The following HACE1 variants were observed in gnomAD, a reference collection of about 807,000 sequenced individuals.
HACE1 encodes HECT domain and ankyrin repeat containing E3 ubiquitin protein ligase 1, also known as E3 ubiquitin-protein ligase HACE1.
A neutral mutation model predicts 118.4 loss-of-function variants in HACE1; 73 were observed. The ratio of observed to expected loss-of-function variants is 0.62; its 90% CI spans 0.51 to 0.75. The LOEUF (loss-of-function observed/expected upper bound fraction) is 0.75, where lower values mean the gene tolerates loss of function less well. HACE1 is among the 30% of genes least tolerant of loss of function. HACE1 has a pLI of 0.00. For missense variants in HACE1, 749 were observed against 1,102.2 expected, an observed-to-expected ratio of 0.68 and a Z score of 4.54; for synonymous variants, 368 against 374.8, an observed-to-expected ratio of 0.98 and a Z score of 0.21.
At position 104,761,828 on chromosome 6, in the gene HACE1, C is replaced by A. The variant is rs540946537; in HGVS notation, c.2211+9365G>T. On this transcript the variant is annotated intron_variant, in intron 19 of 23. Coordinates refer to ENST00000262903, the MANE Select transcript of HACE1 (RefSeq NM_020771.4). Reference sequence around the variant, plus strand: ...ACAAAGGGTTAATATCCAGAATCTACAAAGAACTTAAACAAATTTACAAGA... The same window carrying A: ...ACAAAGGGTTAATATCCAGAATCTAAAAAGAACTTAAACAAATTTACAAGA... Among the ~76,000 whole-genome samples the A allele has an allele frequency of 1.1e-4, 16 of 151,346 alleles. No homozygotes were observed. The East Asian group carries it at 3.1e-3, about 29-fold the overall frequency.
chr6:104,805,404 C>T (rs1475073039), intron 7 of HACE1, among the ~76,000 whole-genome samples: 3 of 152,152 alleles, frequency 2.0e-5, no homozygotes, highest in Non-Finnish European at 4.4e-5. Context: ...CACATGGATA[C>T]ATATGTTTAT....
rs1038029247 is a variant in HACE1 at position 104,734,032 on chromosome 6, A to C, written c.2514-3616T>G. ...CTGGGCATGGTGGTAAGCGCCTGTAATCCCAGCGACTCGGGAGGGCTTAGG... is the reference window on the plus strand; with the variant it reads ...CTGGGCATGGTGGTAAGCGCCTGTACTCCCAGCGACTCGGGAGGGCTTAGG... On this transcript the variant is annotated intron_variant, in intron 22 of 23. Transcript: ENST00000262903. Among the ~76,000 whole-genome samples the C allele has an allele frequency of 2.0e-5, 3 of 150,984 alleles. No individual in the cohort carries two copies. In the East Asian group the frequency reaches 5.8e-4, roughly 29 times the overall value.
intron 20 of HACE1, 97 bp from the exon 21 acceptor site, chr6:104,744,707 T>C (rs1777213704): frequency 2.8e-6 from 2 of 720,264 alleles, no homozygotes; most frequent in African/African-American, 1.8e-5. Flanking sequence ...ACTAATCCCA[T>C]GTAAAACTGA....
chr6:104,737,476 G>T (rs570075144), intron 22 of HACE1, among the ~76,000 whole-genome samples: 60 of 152,170 alleles, frequency 3.9e-4, no homozygotes, highest in African/African-American at 1.4e-3. Flanking sequence ...TGTGCGCACC[G>T]TGCGCGAGCC....
Position 104,843,255 on chromosome 6 carries a change from C to G in HACE1, c.370G>C (p.Val124Leu). 6.5e-7 allele frequency: 1 copy of G among 1,547,234 alleles called. No individual in the cohort carries two copies. The highest frequency in any genetic ancestry group is 8.9e-7 in the Non-Finnish European group (1 of 1,119,272). Residue 124 changes from valine to leucine, a missense_variant, in exon 5 of 24, where the codon GTC becomes CTC. By Grantham distance (32) the Val-to-Leu change is conservative (BLOSUM62 1). Coordinates refer to ENST00000262903, the MANE Select transcript of HACE1 (RefSeq NM_020771.4). Reference sequence around the variant, plus strand: ...AGGCCTTCATTATTACAAATGTTGACATCAGCGCTATATTCTAATAATTTA... The same window carrying G: ...AGGCCTTCATTATTACAAATGTTGAGATCAGCGCTATATTCTAATAATTTA... ...MSKLLEYSAD[V>L]NICNNEGLTA...
chr6:104,851,691 A>G (rs1776219572), intron 2 of HACE1, among the ~76,000 whole-genome samples: 1 of 151,856 alleles, frequency 6.6e-6, no homozygotes, highest in Non-Finnish European at 1.5e-5. Context: ...AAATCAGACA[A>G]AAAACATTTT....
At chr6:104,798,198 G>T (rs1043054669) in intron 7 of HACE1, among the ~76,000 whole-genome samples, 2 of 152,018 alleles carry the variant, frequency 1.3e-5, no homozygotes, top group African/African-American at 2.4e-5. Flanking sequence ...CTAAGCACAG[G>T]TGAAACTAGA....
chr6:104,851,882 G>A (rs960447986), intron 2 of HACE1, among the ~76,000 whole-genome samples: 1 of 151,950 alleles, frequency 6.6e-6, no homozygotes, highest in Non-Finnish European at 1.5e-5. Context: ...TTCATATATG[G>A]CCCTGTAAAA....
intron 22 of HACE1, among the ~76,000 whole-genome samples, chr6:104,742,005 C>T (rs577673338): frequency 1.7e-4 from 26 of 150,154 alleles, no homozygotes; most frequent in African/African-American, 5.4e-4. Flanking sequence ...GAAATAACGC[C>T]ACGTATCTAC....
intron 6 of HACE1, among the ~76,000 whole-genome samples, chr6:104,818,136 T>C (rs1026800102): frequency 2.0e-5 from 3 of 152,202 alleles, no homozygotes; most frequent in Admixed American, 2.0e-4. Flanking sequence ...ATAATCTATG[T>C]AATAAAAACA....
rs767622257 is a variant in HACE1, at chr6:104,729,667, C to T, written c.2725G>A (p.Ala909Thr). 8.5e-6 allele frequency: 12 copies of T among 1,407,322 alleles called. No homozygotes were observed. Among genetic ancestry groups the T allele is most frequent in the Non-Finnish European group, 1.2e-5 (12 of 991,276 alleles). The allele number at this position is 1,407,322 out of a possible 1,614,324, so 87.2% of individuals were successfully genotyped here. A position where few individuals can be genotyped will look rare whatever the true frequency, so the allele number is the denominator to read the frequency against. Residue 909 changes from alanine (A) to threonine (T), a missense_variant, in exon 24 of 24, where the codon GCA becomes ACA. Around this residue, in one of 5 missense-constraint regions of HACE1, gnomAD observed 165 missense variants for 229.9 expected, o/e 0.72. Transcript: ENST00000262903. ...GAGGAGTTTTCCAGACTTCATTATG[C>T]CATTGTGTAACCATAGCTGCCACAA... ...LHCGSYGYTM[A>T]
chr6:104,821,532 C>T (rs936387722), intron 6 of HACE1, among the ~76,000 whole-genome samples: 6 of 152,166 alleles, frequency 3.9e-5, no homozygotes, highest in East Asian at 1.9e-4. Flanking sequence ...AATGATATAA[C>T]GTAAATAACA....
chr6:104,793,222 G>A lies in HACE1; in HGVS notation c.924-1568C>T, dbSNP rs1053572700. Among the ~76,000 whole-genome samples the A allele has an allele frequency of 6.1e-5, 9 of 146,962 alleles. No individual in the cohort carries two copies. In the East Asian group the frequency reaches 8.0e-4, roughly 13 times the overall value. On this transcript the variant is annotated intron_variant, in intron 10 of 23. Coordinates refer to ENST00000262903, the MANE Select transcript of HACE1 (RefSeq NM_020771.4). The stretch of plus-strand genomic sequence containing the variant: ...GTGGAGCTCGCAGTAAGCCGAGATC[G>A]CGCCACTGCACTCCAGCCTGGGCGA...
At chr6:104,744,659 GTTA>G (rs1777208459) in intron 20 of HACE1, 49 bp from the exon 21 acceptor site, 3 of 1,076,688 alleles carry the variant, frequency 2.8e-6, no homozygotes, top group Non-Finnish European at 2.9e-6. Context: ...AGGGAAAAAA[GTTA>G]TTATATTTAA....
At chr6:104,801,262 G>C (rs550140332) in intron 7 of HACE1, among the ~76,000 whole-genome samples, 4 of 152,310 alleles carry the variant, frequency 2.6e-5, no homozygotes, top group African/African-American at 4.8e-5. Flanking sequence ...GAAAGTGTCA[G>C]GGAGAATGGA....
At chr6:104,836,107 T>C (rs1014829715) in intron 5 of HACE1, among the ~76,000 whole-genome samples, 12 of 152,112 alleles carry the variant, frequency 7.9e-5, no homozygotes, top group Non-Finnish European at 1.5e-4. Flanking sequence ...AAGATGGATA[T>C]GAGACCCATA....
chr6:104,845,476 CTTT>C (rs35701834), intron 4 of HACE1, among the ~76,000 whole-genome samples: 4 of 134,090 alleles, frequency 3.0e-5, no homozygotes, highest in Admixed American at 1.6e-4. Flanking sequence ...TCTGGGTAAA[CTTT>C]TTTTTTTTTT....
At chr6:104,853,294 T>C (rs1019946940) in intron 1 of HACE1, among the ~76,000 whole-genome samples, 2 of 152,162 alleles carry the variant, frequency 1.3e-5, no homozygotes, top group Non-Finnish European at 2.9e-5. Context: ...ATCCAGTCTG[T>C]GGTATTGTTG....
intron 7 of HACE1, among the ~76,000 whole-genome samples, chr6:104,802,118 G>A (rs187362820): frequency 6.6e-6 from 1 of 151,032 alleles, no homozygotes; most frequent in East Asian, 1.9e-4. Context: ...AACAGACAAG[G>A]AAGGACATTA....
Sources: allele counts gnomAD v4.1 joint callset (sites outside exome capture counted in the v4.1 genomes callset), GRCh38; gene constraint gnomAD v4.1.1; regional missense constraint gnomAD v4.1.1; transcripts MANE v1.5; gene names NCBI Gene and HGNC (gene_info 2026-07-23, HGNC 2026-07-21).